The following CACNB2 variants were observed in gnomAD, a reference collection of about 807,000 sequenced individuals.
CACNB2 encodes calcium voltage-gated channel auxiliary subunit beta 2, also known as voltage-dependent L-type calcium channel subunit beta-2.
In CACNB2, 42 loss-of-function variants were observed where a neutral mutation model predicts 73.3. That is an observed-to-expected ratio of 0.57 (90% CI 0.45 to 0.74). The LOEUF (loss-of-function observed/expected upper bound fraction) is 0.74, where lower values mean the gene tolerates loss of function less well. CACNB2 is among the 30% of genes least tolerant of loss of function. The pLI is 0.00. For missense variants in CACNB2, 940 were observed against 853.0 expected (o/e 1.10, Z -1.27); for synonymous variants, 348 against 310.3 (o/e 1.12, Z -1.28).
At chr10:18,215,727 G>A (rs2035483693) in intron 2 of CACNB2, among the ~76,000 whole-genome samples, 1 of 152,160 alleles carries the variant, frequency 6.6e-6, no homozygotes, top group South Asian at 2.1e-4. Context: ...AAGGAAATAA[G>A]CGAGGTGAAG....
intron 2 of CACNB2, among the ~76,000 whole-genome samples, chr10:18,251,610 TA>T (rs1378927364): frequency 1.3e-5 from 2 of 152,198 alleles, no homozygotes; most frequent in Non-Finnish European, 2.9e-5. Context: ...CACACTGCTC[TA>T]AAGAACTACC....
chr10:18,299,083 A>T (rs200312487), intron 2 of CACNB2, among the ~76,000 whole-genome samples: 35 of 63,020 alleles, frequency 5.6e-4, no homozygotes, highest in Middle Eastern at 0.01. Flanking sequence ...AAAAAAAATA[A>T]AAAATAAAAG....
chr10:18,481,031 A>G (rs1238271073), intron 3 of CACNB2, among the ~76,000 whole-genome samples: 1 of 150,990 alleles, frequency 6.6e-6, no homozygotes, highest in African/African-American at 2.4e-5. Flanking sequence ...CTCTGTGGCA[A>G]TTCCTCTGCA....
At chr10:18,168,622 G>A (rs2033030877) in intron 2 of CACNB2, among the ~76,000 whole-genome samples, 1 of 151,954 alleles carries the variant, frequency 6.6e-6, no homozygotes, top group Non-Finnish European at 1.5e-5. Flanking sequence ...CTGCTCTCAG[G>A]AGCTAAACAT....
intron 2 of CACNB2, among the ~76,000 whole-genome samples, chr10:18,158,735 A>G (rs1487095468): frequency 6.6e-6 from 1 of 152,232 alleles, no homozygotes; most frequent in Non-Finnish European, 1.5e-5. Context: ...TAGAGCCAAA[A>G]TCTAAACAGA....
intron 2 of CACNB2, among the ~76,000 whole-genome samples, chr10:18,161,833 G>A (rs1313623210): frequency 6.6e-6 from 1 of 152,058 alleles, no homozygotes; most frequent in East Asian, 1.9e-4. Context: ...GGAGGGTGAG[G>A]CATGAGAATC....
chr10:18,457,067 G>A (rs1233287239), intron 3 of CACNB2, among the ~76,000 whole-genome samples: 1 of 149,464 alleles, frequency 6.7e-6, no homozygotes, highest in Non-Finnish European at 1.5e-5. Flanking sequence ...ATGAGCATGG[G>A]TGCACAAATA....
chr10:18,420,239 C>A (rs547991323), intron 3 of CACNB2, among the ~76,000 whole-genome samples: 2 of 151,848 alleles, frequency 1.3e-5, no homozygotes, highest in South Asian at 4.2e-4. Flanking sequence ...AAACCAAGAT[C>A]TATTCTTTAA....
At chr10:18,229,394 T>C (rs1256900769) in intron 2 of CACNB2, among the ~76,000 whole-genome samples, 1 of 152,212 alleles carries the variant, frequency 6.6e-6, no homozygotes, top group Non-Finnish European at 1.5e-5. Context: ...ATTAGTCTTA[T>C]TAGACCACAG....
At chr10:18,348,446 A>AGGATGGATGGAC (rs1391753916) in intron 2 of CACNB2, among the ~76,000 whole-genome samples, 1 of 152,188 alleles carries the variant, frequency 6.6e-6, no homozygotes, top group Non-Finnish European at 1.5e-5. Context: ...ACTCAGAAAA[A>AGGATGGATGGAC]GGATGGATGG....
intron 2 of CACNB2, among the ~76,000 whole-genome samples, chr10:18,310,451 C>T (rs896478464): frequency 6.7e-6 from 1 of 149,702 alleles, no homozygotes; most frequent in Non-Finnish European, 1.5e-5. Context: ...ACTAAAAATA[C>T]AAAATTAGCT....
chr10:18,152,733 C>CAAAAAAAAAA (rs1461809120), intron 2 of CACNB2, among the ~76,000 whole-genome samples: 2 of 89,378 alleles, frequency 2.2e-5, no homozygotes, highest in Admixed American at 1.2e-4. Context: ...AAAAAAAAAA[C>CAAAAAAAAAA]AAAAAACAAA....
At position 18,174,142 on chromosome 10, in the gene CACNB2, C is replaced by T. The variant is rs1239697491; in HGVS notation, c.213+23167C>T. Among the ~76,000 whole-genome samples, 6 of 151,998 alleles carry T rather than the reference C, an allele frequency of 3.9e-5. 1 individual carries two copies. The highest frequency in any genetic ancestry group is 3.9e-4 in the Admixed American group (6 of 15,230). Reference sequence around the variant, plus strand: ...TTGTTTGAAAGAAGTGAAAACTTAGCACCTTTGAAGATGGGAGTTTGAGAC... The same window carrying T: ...TTGTTTGAAAGAAGTGAAAACTTAGTACCTTTGAAGATGGGAGTTTGAGAC... On this transcript the variant is annotated intron_variant, in intron 2 of 13. Transcript: ENST00000324631.
chr10:18,529,151 T>G (rs1225105191), intron 10 of CACNB2, among the ~76,000 whole-genome samples: 3 of 152,226 alleles, frequency 2.0e-5, no homozygotes, highest in African/African-American at 7.2e-5. Flanking sequence ...AAAATGCTTA[T>G]TTCATAAATT....
chr10:18,340,612 C>T, intron 2 of CACNB2: 1 of 1,113,234 alleles, frequency 9.0e-7, no homozygotes, highest in Non-Finnish European at 1.2e-6. Flanking sequence ...GACAAGTTTG[C>T]AGGCGTCTGT....
intron 2 of CACNB2, among the ~76,000 whole-genome samples, chr10:18,193,244 G>A (rs1299547105): frequency 7.1e-6 from 1 of 141,758 alleles, no homozygotes; most frequent in Non-Finnish European, 1.5e-5. Flanking sequence ...ATAATCCTGT[G>A]TGTAACTTTT....
At chr10:18,508,559 A>G (rs898874540) in intron 6 of CACNB2, among the ~76,000 whole-genome samples, 2 of 152,328 alleles carry the variant, frequency 1.3e-5, no homozygotes, top group Admixed American at 1.3e-4. Flanking sequence ...TCTGCCTGCA[A>G]ATGTCAGCCT....
At chr10:18,252,910 A>C (rs1210407644) in intron 2 of CACNB2, among the ~76,000 whole-genome samples, 1 of 152,192 alleles carries the variant, frequency 6.6e-6, no homozygotes, top group Non-Finnish European at 1.5e-5. Flanking sequence ...TGCCTGTTGT[A>C]TGACTGGATT....
At chr10:18,385,078 G>A (rs1274061840) in intron 2 of CACNB2, among the ~76,000 whole-genome samples, 19 of 151,990 alleles carry the variant, frequency 1.3e-4, no homozygotes, top group African/African-American at 4.3e-4. Context: ...TCAGGAGTTC[G>A]AGACCAGCCT....
Sources: gnomAD v4.1 joint callset for allele counts (sites outside exome capture counted in the v4.1 genomes callset) on GRCh38, gnomAD v4.1.1 for gene constraint, MANE v1.5 for transcripts, NCBI Gene and HGNC (gene_info 2026-07-23, HGNC 2026-07-21) for gene names.